Variants in PLCXD3 observed in about 807,000 individuals in gnomAD.
The protein encoded by PLCXD3 is PI-PLC X domain-containing protein 3.
Under a neutral mutation model 25.5 loss-of-function variants are expected in PLCXD3, and 19 were observed. The observed-to-expected ratio is 0.75, with a 90% CI of 0.52 to 1.09. The LOEUF is 1.09. Ranked by LOEUF, PLCXD3 falls within the 50% of genes least tolerant of loss-of-function variation. The probability of loss-of-function intolerance (pLI) is 0.00; values close to 1 mark genes in which losing one functional copy is unlikely to be tolerated. For synonymous variants in PLCXD3, 174 were observed against 137.6 expected, an observed-to-expected ratio of 1.26 and a Z score of -1.85; for missense variants, 411 against 388.1, an observed-to-expected ratio of 1.06 and a Z score of -0.50.
chr5:41,400,473 T>C (rs1392125998), intron 1 of PLCXD3, among the ~76,000 whole-genome samples: 1 of 152,140 alleles, frequency 6.6e-6, no homozygotes, highest in African/African-American at 2.4e-5. Context: ...AAAGAAAATA[T>C]GGTACATATA....
chr5:41,356,228 T>C (rs750070480), intron 2 of PLCXD3, among the ~76,000 whole-genome samples: 12 of 152,172 alleles, frequency 7.9e-5, no homozygotes, highest in Non-Finnish European at 1.0e-4. Context: ...ATTGCGCCAC[T>C]GCACTCGAGC....
chr5:41,384,457 A>G (rs1745574981), intron 1 of PLCXD3, among the ~76,000 whole-genome samples: 1 of 152,202 alleles, frequency 6.6e-6, no homozygotes, highest in South Asian at 2.1e-4. Context: ...TTAAAAATAA[A>G]TTTAAACTCT....
At chr5:41,456,374 G>A (rs1166175885) in intron 1 of PLCXD3, among the ~76,000 whole-genome samples, 1 of 151,670 alleles carries the variant, frequency 6.6e-6, no homozygotes, top group Non-Finnish European at 1.5e-5. Flanking sequence ...AAAACCTATT[G>A]TTACAAAACA....
intron 1 of PLCXD3, among the ~76,000 whole-genome samples, chr5:41,446,686 T>A (rs2150513035): frequency 6.6e-6 from 1 of 152,238 alleles, no homozygotes; most frequent in South Asian, 2.1e-4. Context: ...GTGGTGAGCC[T>A]GGAACCCAGG....
chr5:41,493,530 C>A (rs1748756878), intron 1 of PLCXD3, among the ~76,000 whole-genome samples: 1 of 152,214 alleles, frequency 6.6e-6, no homozygotes, highest in Admixed American at 6.5e-5. Context: ...GTGCCTTGCC[C>A]CCAGAGGTGG....
chr5:41,396,718 T>C (rs1430320415), intron 1 of PLCXD3, among the ~76,000 whole-genome samples: 1 of 152,192 alleles, frequency 6.6e-6, no homozygotes, highest in Non-Finnish European at 1.5e-5. Context: ...GATAGTGATA[T>C]GGACAGTGAA....
chr5:41,381,565 A>C (rs1288238062), intron 2 of PLCXD3, among the ~76,000 whole-genome samples: 2 of 152,086 alleles, frequency 1.3e-5, no homozygotes, highest in Non-Finnish European at 2.9e-5. Context: ...ACCAGAACCT[A>C]GGAGAGAGGC....
At chr5:41,324,572 C>G (rs945130682) in intron 2 of PLCXD3, among the ~76,000 whole-genome samples, 1 of 152,150 alleles carries the variant, frequency 6.6e-6, no homozygotes, top group Non-Finnish European at 1.5e-5. Context: ...ATAATTCTAT[C>G]TTAAAATGGA....
At chr5:41,360,017 C>G (rs996626862) in intron 2 of PLCXD3, among the ~76,000 whole-genome samples, 1 of 152,010 alleles carries the variant, frequency 6.6e-6, no homozygotes, top group African/African-American at 2.4e-5. Context: ...CTTCTCGGAG[C>G]CTTTGTTCAT....
intron 2 of PLCXD3, among the ~76,000 whole-genome samples, chr5:41,360,795 G>A (rs1744749396): frequency 6.6e-6 from 1 of 152,166 alleles, no homozygotes; most frequent in African/African-American, 2.4e-5. Flanking sequence ...GAGGGTCCTG[G>A]GTTGTATTTT....
chr5:41,353,056 G>C (rs983267628), intron 2 of PLCXD3, among the ~76,000 whole-genome samples: 3 of 151,736 alleles, frequency 2.0e-5, no homozygotes, highest in Non-Finnish European at 4.4e-5. Context: ...TTTAACTACT[G>C]GAATGTTCAG....
intron 2 of PLCXD3, among the ~76,000 whole-genome samples, chr5:41,321,037 A>T (rs1904179): frequency 0.069 from 10,466 of 152,324 alleles, 694 homozygotes; most frequent in East Asian, 0.35. Flanking sequence ...AAGAGCTGGC[A>T]CATGACAAGG....
rs545026574 is a variant in PLCXD3 at position 41,424,864 on chromosome 5, T to C, written c.104-42330A>G. On this transcript the variant is annotated intron_variant, in intron 1 of 2. Transcript: ENST00000377801. ...TTTGGGGAAGCAGGATTTTGTATTC[T>C]ATATTATCATCAAGCTTGTTTATTG... 4.6e-5 allele frequency among the ~76,000 whole-genome samples: 7 copies of C among 152,308 alleles called. No homozygotes were observed. The South Asian group carries it at 1.4e-3, about 32-fold the overall frequency.
chr5:41,468,847 T>C (rs1472370500), intron 1 of PLCXD3, among the ~76,000 whole-genome samples: 1 of 152,218 alleles, frequency 6.6e-6, no homozygotes, highest in Non-Finnish European at 1.5e-5. Flanking sequence ...ACTTCCTCTA[T>C]TGCTATGAGT....
chr5:41,375,349 C>T (rs993764544), intron 2 of PLCXD3, among the ~76,000 whole-genome samples: 2 of 152,042 alleles, frequency 1.3e-5, no homozygotes, highest in Admixed American at 1.3e-4. Context: ...ATGCTCTGCC[C>T]CCTTCACCCC....
intron 2 of PLCXD3, among the ~76,000 whole-genome samples, chr5:41,375,790 G>A (rs974454934): frequency 6.6e-6 from 1 of 152,106 alleles, no homozygotes; most frequent in African/African-American, 2.4e-5. Flanking sequence ...AATGCAGCCA[G>A]TGCTAAGCAA....
At chr5:41,466,404 T>A (rs1748018709) in intron 1 of PLCXD3, among the ~76,000 whole-genome samples, 1 of 152,020 alleles carries the variant, frequency 6.6e-6, no homozygotes, top group African/African-American at 2.4e-5. Flanking sequence ...TTAGTTTATT[T>A]AAAAAATTAT....
At chr5:41,453,014 G>A (rs1747671700) in intron 1 of PLCXD3, among the ~76,000 whole-genome samples, 1 of 151,804 alleles carries the variant, frequency 6.6e-6, no homozygotes, top group Non-Finnish European at 1.5e-5. Context: ...CATTTGTAAT[G>A]AGAATATTTA....
intron 2 of PLCXD3, among the ~76,000 whole-genome samples, chr5:41,340,254 C>T (rs1744101422): frequency 6.6e-6 from 1 of 152,106 alleles, no homozygotes; most frequent in African/African-American, 2.4e-5. Context: ...TTTTGCAACT[C>T]ACTGCACGTA....
Sources: gnomAD v4.1 joint callset for allele counts (sites outside exome capture counted in the v4.1 genomes callset) on GRCh38, gnomAD v4.1.1 for gene constraint, MANE v1.5 for transcripts, NCBI Gene and HGNC (gene_info 2026-07-23, HGNC 2026-07-21) for gene names.